Variants in KCNQ3 observed in about 807,000 individuals in gnomAD.
The protein encoded by KCNQ3 is potassium voltage-gated channel subfamily Q member 3.
KCNQ3 carries 30 observed loss-of-function variants against 92.5 expected under a neutral mutation model. The observed-to-expected ratio is 0.32, with a 90% CI of 0.24 to 0.44. The LOEUF (loss-of-function observed/expected upper bound fraction) is 0.44, where lower values mean the gene tolerates loss of function less well. Among genes scored for constraint, KCNQ3 ranks in the 20% least tolerant of loss-of-function variants. The pLI, the probability that KCNQ3 is intolerant of heterozygous loss-of-function variation, is 1.00. For synonymous variants in KCNQ3, 450 were observed against 468.8 expected (o/e 0.96, Z 0.52); for missense variants, 913 against 1,140.3 (o/e 0.80, Z 2.87).
rs2130931769 is a variant in KCNQ3, at chr8:132,134,401, A to G, written c.1701-13T>C. The G allele has an allele frequency of 1.9e-6, 3 of 1,551,998 alleles. No individual in the cohort carries two copies. In the East Asian group the frequency reaches 6.7e-5, roughly 35 times the overall value. The stretch of plus-strand genomic sequence containing the variant: ...AATCATATCTATTCTGAAAGAAACA[A>G]ACAGAGCAGGGATTAAATTACACAG... On this transcript the variant is annotated splice_polypyrimidine_tract_variant and intron_variant, in intron 12 of 14. Transcript: ENST00000388996.
intron 1 of KCNQ3, among the ~76,000 whole-genome samples, chr8:132,352,182 C>A (rs181956818): frequency 6.6e-6 from 1 of 152,142 alleles, no homozygotes; most frequent in Non-Finnish European, 1.5e-5. Flanking sequence ...GAGAAGAAAG[C>A]AGCTGATCTG....
At chr8:132,337,611 A>G (rs1328115978) in intron 1 of KCNQ3, among the ~76,000 whole-genome samples, 1 of 152,204 alleles carries the variant, frequency 6.6e-6, no homozygotes, top group Non-Finnish European at 1.5e-5. Flanking sequence ...CATGTTGATT[A>G]ACGGTTTGGG....
chr8:132,365,566 T>C (rs1324472863), intron 1 of KCNQ3, among the ~76,000 whole-genome samples: 2 of 152,224 alleles, frequency 1.3e-5, no homozygotes, highest in African/African-American at 4.8e-5. Context: ...CTTAGATAAA[T>C]TAGTTCACCT....
At chr8:132,139,082 C>T (rs773445690) in intron 11 of KCNQ3, among the ~76,000 whole-genome samples, 1 of 152,294 alleles carries the variant, frequency 6.6e-6, no homozygotes, top group South Asian at 2.1e-4. Context: ...TAGAGCTGAA[C>T]ACTTGCAGCA....
chr8:132,305,684 T>C (rs1016943788), intron 1 of KCNQ3, among the ~76,000 whole-genome samples: 9 of 151,994 alleles, frequency 5.9e-5, no homozygotes, highest in Non-Finnish European at 1.0e-4. Flanking sequence ...CCCCCAACAG[T>C]AGCTTCTGCT....
intron 1 of KCNQ3, among the ~76,000 whole-genome samples, chr8:132,277,677 T>C (rs1436672255): frequency 1.3e-5 from 2 of 152,172 alleles, no homozygotes; most frequent in African/African-American, 4.8e-5. Context: ...AATGAGCAGA[T>C]GGATGAGTTC....
At chr8:132,463,582 C>A (rs992272064) in intron 1 of KCNQ3, among the ~76,000 whole-genome samples, 4 of 152,196 alleles carry the variant, frequency 2.6e-5, no homozygotes, top group African/African-American at 9.6e-5. Context: ...ACTGGCCTCC[C>A]TGGAGGTCGT....
At chr8:132,425,777 G>A (rs1328321519) in intron 1 of KCNQ3, among the ~76,000 whole-genome samples, 3 of 152,140 alleles carry the variant, frequency 2.0e-5, no homozygotes, top group Admixed American at 2.0e-4. Flanking sequence ...TTGTATTCAT[G>A]GTCATGTTCT....
intron 1 of KCNQ3, among the ~76,000 whole-genome samples, chr8:132,291,041 G>T (rs894632016): frequency 6.6e-6 from 1 of 152,170 alleles, no homozygotes; most frequent in Non-Finnish European, 1.5e-5. Flanking sequence ...GTACAATTGC[G>T]ACTGGAAACT....
In KCNQ3 at chr8:132,412,334, T is replaced by C. The variant is rs142793543; in HGVS notation, c.386+67813A>G. Among the ~76,000 whole-genome samples, 12 of 152,044 alleles carry C rather than the reference T, an allele frequency of 7.9e-5. No homozygotes were observed. In the East Asian group the frequency reaches 1.9e-3, roughly 25 times the overall value. On this transcript the variant is annotated intron_variant, in intron 1 of 14. Coordinates refer to ENST00000388996, the MANE Select transcript of KCNQ3 (RefSeq NM_004519.4). ...ATGGGGCTTAGGAACCTGCTTTGCA[T>C]CTCCCCTTCTGGGTGATTCTGACTC...
chr8:132,402,455 A>C (rs1226736614), intron 1 of KCNQ3, among the ~76,000 whole-genome samples: 1 of 152,190 alleles, frequency 6.6e-6, no homozygotes, highest in Non-Finnish European at 1.5e-5. Context: ...AAAAACTGTT[A>C]TTATGGGTAA....
intron 1 of KCNQ3, among the ~76,000 whole-genome samples, chr8:132,382,941 C>T (rs1819792352): frequency 6.6e-6 from 1 of 152,204 alleles, no homozygotes; most frequent in East Asian, 1.9e-4. Flanking sequence ...AGGCAAGTAC[C>T]TGCCTCAGGG....
At chr8:132,186,928 G>T (rs1826976023) in intron 1 of KCNQ3, among the ~76,000 whole-genome samples, 1 of 119,414 alleles carries the variant, frequency 8.4e-6, no homozygotes, top group Admixed American at 8.1e-5. Flanking sequence ...GTGTGTGTGT[G>T]TGTGTGAGAG....
chr8:132,382,835 C>A (rs1457038072), intron 1 of KCNQ3, among the ~76,000 whole-genome samples: 1 of 152,136 alleles, frequency 6.6e-6, no homozygotes, highest in African/African-American at 2.4e-5. Context: ...GGAGCCTGCA[C>A]CCGGATCCTG....
chr8:132,389,917 C>T (rs1040849448), intron 1 of KCNQ3, among the ~76,000 whole-genome samples: 1 of 152,162 alleles, frequency 6.6e-6, no homozygotes, highest in Admixed American at 6.5e-5. Context: ...AGTTGTGTAC[C>T]TAGGTACAAA....
At chr8:132,197,706 A>G (rs1030952520) in intron 1 of KCNQ3, among the ~76,000 whole-genome samples, 1 of 152,158 alleles carries the variant, frequency 6.6e-6, no homozygotes, top group Admixed American at 6.5e-5. Flanking sequence ...CGTGTATTCT[A>G]TGTATCAGGC....
At chr8:132,273,431 A>G (rs2130505435) in intron 1 of KCNQ3, among the ~76,000 whole-genome samples, 1 of 152,296 alleles carries the variant, frequency 6.6e-6, no homozygotes, top group Non-Finnish European at 1.5e-5. Context: ...TGCACACAGC[A>G]TGGGGACCCT....
At chr8:132,219,973 G>A (rs553037268) in intron 1 of KCNQ3, among the ~76,000 whole-genome samples, 15 of 152,202 alleles carry the variant, frequency 9.9e-5, no homozygotes, top group African/African-American at 3.6e-4. Context: ...ACTGTGGCGT[G>A]AGCATGAATC....
intron 1 of KCNQ3, among the ~76,000 whole-genome samples, chr8:132,229,085 C>G (rs1173235427): frequency 6.6e-6 from 1 of 152,128 alleles, no homozygotes; most frequent in Non-Finnish European, 1.5e-5. Flanking sequence ...GAAACCCCGT[C>G]TCTACTAAAA....
Sources: gnomAD v4.1 joint callset for allele counts (sites outside exome capture counted in the v4.1 genomes callset) on GRCh38, gnomAD v4.1.1 for gene constraint, MANE v1.5 for transcripts, NCBI Gene and HGNC (gene_info 2026-07-23, HGNC 2026-07-21) for gene names.